The following ICE2 variants were observed in gnomAD, a reference collection of about 807,000 sequenced individuals.
ICE2 encodes interactor of little elongation complex ELL subunit 2, also known as little elongation complex subunit 2.
A neutral mutation model predicts 105.4 loss-of-function variants in ICE2; 87 were observed. The ratio of observed to expected loss-of-function variants is 0.83; its 90% CI spans 0.69 to 0.99. The LOEUF (loss-of-function observed/expected upper bound fraction) is 0.99, where lower values mean the gene tolerates loss of function less well. Among genes scored for constraint, ICE2 ranks in the 50% least tolerant of loss-of-function variants. ICE2 has a pLI of 0.00. For synonymous variants in ICE2, 399 were observed against 392.0 expected (o/e 1.02, Z -0.21); for missense variants, 1,323 against 1,146.7 (o/e 1.15, Z -2.22).
intron 14 of ICE2, among the ~76,000 whole-genome samples, chr15:60,429,541 T>C (rs2063410203): frequency 6.6e-6 from 1 of 152,194 alleles, no homozygotes; most frequent in South Asian, 2.1e-4. Flanking sequence ...TAAAGGGATA[T>C]GAATAAATAT....
intron 14 of ICE2, among the ~76,000 whole-genome samples, chr15:60,431,156 G>A (rs1239373681): frequency 1.3e-5 from 2 of 151,696 alleles, no homozygotes; most frequent in Admixed American, 6.6e-5. Flanking sequence ...ACAGGCGTGA[G>A]CCACTGCGCC....
chr15:60,428,490 T>C lies in ICE2; in HGVS notation c.2759A>G (p.His920Arg), dbSNP rs1381589470. ...DPSLLLPYHI[H>R]HGRIPCTFPP... ...AAAAGTACAAGGTATTCTTCCATGATGGATATGATATGGTAATAACAGGCT... is the reference window on the plus strand; with the variant it reads ...AAAAGTACAAGGTATTCTTCCATGACGGATATGATATGGTAATAACAGGCT... The change falls in exon 15 of 16, where the codon CAT becomes CGT. Residue 920 changes from histidine to arginine, a missense_variant. His to Arg is a conservative substitution (Grantham distance 29). Transcript: ENST00000261520. The C allele has an allele frequency of 3.1e-6, 5 of 1,614,104 alleles. No homozygotes were observed. Among genetic ancestry groups the C allele is most frequent in the Non-Finnish European group, 4.2e-6 (5 of 1,179,944 alleles).
Position 60,448,875 on chromosome 15 carries a change from G to C in ICE2, c.2092C>G (p.Pro698Ala), listed in dbSNP as rs750015952. The C allele has an allele frequency of 1.3e-6, 2 of 1,598,488 alleles. No homozygotes were observed. Among genetic ancestry groups the C allele is most frequent in the Non-Finnish European group, 1.7e-6 (2 of 1,175,116 alleles). ...CCTTTTGGCTTCTGAAATGCAGAAGGCCATCCAGATTTCGGCCAACTAGAG... is the reference window on the plus strand; with the variant it reads ...CCTTTTGGCTTCTGAAATGCAGAAGCCCATCCAGATTTCGGCCAACTAGAG... ...DSSSWPKSGW[P>A]SAFQKPKGRL... The change falls in exon 10 of 16, where the codon CCT (proline) becomes GCT (alanine). Residue 698 changes from proline to alanine, a missense_variant. Transcript: ENST00000261520.
At chr15:60,434,669 T>C (rs929447722) in intron 13 of ICE2, among the ~76,000 whole-genome samples, 1 of 152,038 alleles carries the variant, frequency 6.6e-6, no homozygotes, top group Non-Finnish European at 1.5e-5. Context: ...GAAAGACAAA[T>C]ATTGCATGCT....
Position 60,468,235 on chromosome 15 carries a change from A to G in ICE2, c.234T>C (p.Val78=). Residue 78 remains valine, a synonymous_variant, in exon 4 of 16, where the codon GTT becomes GTC. Transcript: ENST00000261520. ...VSSATQAKEK[V]KTTIGMVLLP... is the part of the protein sequence containing the mutation. ...GAAGAACCATTCCAATTGTGGTTTT[A>G]ACTTTTTCCTTTGCTTGAGTTGCTG... The G allele has an allele frequency of 6.2e-7, 1 of 1,614,014 alleles. No homozygotes were observed. Among genetic ancestry groups the G allele is most frequent in the South Asian group, 1.1e-5 (1 of 91,074 alleles).
intron 12 of ICE2, chr15:60,439,746 ATCCTTGG>A (rs2063680570): frequency 1.3e-5 from 2 of 152,146 alleles, no homozygotes; most frequent in Non-Finnish European, 2.9e-5. Context: ...CTGACACTGT[ATCCTTGG>A]TGCCTTCAAT....
At position 60,451,190 on chromosome 15, in the gene ICE2, T is replaced by TA. The variant is rs1017425256; in HGVS notation, c.1126-1350dup. On this transcript the variant is annotated intron_variant, in intron 9 of 15. Transcript: ENST00000261520. Reference sequence around the variant, plus strand: ...AAGTCAATGAGATACTGTCTCTAAGTAAAAAATAAAAAGGAATCCAGAAAG... The same window carrying TA: ...AAGTCAATGAGATACTGTCTCTAAGTAAAAAAATAAAAAGGAATCCAGAAAG... 8.6e-5 allele frequency: 57 copies of TA among 661,026 alleles called. No individual in the cohort carries two copies. The African/African-American group carries it at 1.1e-3, about 13-fold the overall frequency. 40.9% of individuals were successfully genotyped at this position (661,026 alleles called of 1,614,324 possible). A position where few individuals can be genotyped will look rare whatever the true frequency, so the allele number is the denominator to read the frequency against.
chr15:60,454,919 T>A (rs963367540), intron 8 of ICE2, 84 bp downstream of exon 8: 1 of 1,252,940 alleles, frequency 8.0e-7, no homozygotes, highest in African/African-American at 1.5e-5. Flanking sequence ...TGTGTTCTCA[T>A]TGTTCAACTC....
At chr15:60,470,232 T>G (rs150838796) in intron 3 of ICE2, among the ~76,000 whole-genome samples, 1 of 152,312 alleles carries the variant, frequency 6.6e-6, no homozygotes, top group East Asian at 1.9e-4. Context: ...GAAAGAAAAG[T>G]AGATATGTAC....
chr15:60,432,761 G>C (rs2063489665), intron 13 of ICE2, among the ~76,000 whole-genome samples: 1 of 151,646 alleles, frequency 6.6e-6, no homozygotes. Context: ...GCGTGGTGGC[G>C]GGCATCTGTA....
chr15:60,468,308 T>A lies in ICE2; in HGVS notation c.161A>T (p.Asn54Ile). ...TACAGAACTTGCTGAGGCATTCAAA[T>A]TTTCTCCTATACGTCTGGAAAACAA... Reference protein sequence around the residue: ...RVLSNRRIGENLNASASSVEN... With the variant: ...RVLSNRRIGEILNASASSVEN... The change falls in exon 4 of 16, where the codon AAT becomes ATT. Residue 54 changes from asparagine (N) to isoleucine (I), a missense_variant. Transcript: ENST00000261520. The A allele has an allele frequency of 6.2e-7, 1 of 1,606,032 alleles. No homozygotes were observed. Among genetic ancestry groups the A allele is most frequent in the East Asian group, 2.2e-5 (1 of 44,610 alleles).
Position 60,449,539 on chromosome 15 carries a change from A to G in ICE2, c.1428T>C (p.Gly476=). The G allele has an allele frequency of 6.2e-7, 1 of 1,614,130 alleles. No individual in the cohort carries two copies. The highest frequency in any genetic ancestry group is 8.5e-7 in the Non-Finnish European group (1 of 1,180,004). Residue 476 remains glycine, a synonymous_variant, in exon 10 of 16, where the codon GGT becomes GGC. Transcript: ENST00000261520. ...CTTTATTTTTGCATTCCTCAGGGCC[A>G]CCATCCATACCAGTGACCAGCTGTT... ...KEKQLVTGMD[G]GPEECKNKDD...
chr15:60,466,770 A>T, intron 4 of ICE2, 57 bp from the exon 5 acceptor site: 1 of 1,381,534 alleles, frequency 7.2e-7, no homozygotes, highest in Non-Finnish European at 1.0e-6. Flanking sequence ...AAAAAGAATC[A>T]CATTCTTAAT....
At chr15:60,460,221 C>T (rs1486040649) in intron 5 of ICE2, among the ~76,000 whole-genome samples, 1 of 152,110 alleles carries the variant, frequency 6.6e-6, no homozygotes, top group African/African-American at 2.4e-5. Flanking sequence ...AGGCTGGGTG[C>T]GGTGGCTCAC....
intron 5 of ICE2, among the ~76,000 whole-genome samples, chr15:60,464,634 G>A (rs752905520): frequency 1.8e-4 from 28 of 152,014 alleles, no homozygotes; most frequent in Non-Finnish European, 3.5e-4. Flanking sequence ...AGGCCAGTCC[G>A]CAGGTGGGGG....
intron 14 of ICE2, 32 bp from the exon 15 acceptor site, chr15:60,428,719 G>T (rs2063391295): frequency 6.3e-7 from 1 of 1,593,696 alleles, no homozygotes; most frequent in Non-Finnish European, 8.6e-7. Flanking sequence ...CAACCCACTG[G>T]CTCACTGTGT....
At chr15:60,478,544 G>T (rs2064835781) in intron 1 of ICE2, 2 of 210,252 alleles carry the variant, frequency 9.5e-6, no homozygotes, top group Non-Finnish European at 2.0e-5. Context: ...GTCAACTTAA[G>T]TGACATTTCA....
intron 11 of ICE2, among the ~76,000 whole-genome samples, chr15:60,444,687 T>C (rs1566981218): frequency 6.6e-6 from 1 of 152,114 alleles, no homozygotes; most frequent in Non-Finnish European, 1.5e-5. Context: ...AGCCTCTTTA[T>C]TATTATTTTT....
intron 5 of ICE2, among the ~76,000 whole-genome samples, chr15:60,460,236 G>A (rs938224340): frequency 6.6e-6 from 1 of 152,200 alleles, no homozygotes; most frequent in African/African-American, 2.4e-5. Flanking sequence ...GCTCACACCT[G>A]TAATCCCAAC....
Sources: gnomAD v4.1 joint callset for allele counts (sites outside exome capture counted in the v4.1 genomes callset) on GRCh38, gnomAD v4.1.1 for gene constraint, MANE v1.5 for transcripts, NCBI Gene and HGNC (gene_info 2026-07-23, HGNC 2026-07-21) for gene names.